Variants in SLC35F3 observed in about 807,000 individuals in gnomAD.
The protein encoded by SLC35F3 is putative thiamine transporter SLC35F3.
A neutral mutation model predicts 49.9 loss-of-function variants in SLC35F3; 25 were observed. The ratio of observed to expected loss-of-function variants is 0.50; its 90% CI spans 0.37 to 0.70. The LOEUF is 0.70. SLC35F3 is among the 30% of genes least tolerant of loss of function. The probability of loss-of-function intolerance (pLI) is 0.00; values close to 1 mark genes in which losing one functional copy is unlikely to be tolerated. For missense variants in SLC35F3, 525 were observed against 639.8 expected (o/e 0.82, Z 1.94); for synonymous variants, 275 against 265.4 (o/e 1.04, Z -0.35).
intron 2 of SLC35F3, among the ~76,000 whole-genome samples, chr1:234,210,742 G>A (rs1667035171): frequency 6.6e-6 from 1 of 152,240 alleles, no homozygotes; most frequent in Non-Finnish European, 1.5e-5. Context: ...TGGAAAATGT[G>A]CAGCCTGATG....
At chr1:233,952,518 T>G (rs1313184097) in intron 2 of SLC35F3, among the ~76,000 whole-genome samples, 1 of 152,184 alleles carries the variant, frequency 6.6e-6, no homozygotes, top group Admixed American at 6.5e-5. Flanking sequence ...GCAAAGTCTC[T>G]TCCACACCAT....
At chr1:234,130,515 T>C (rs1285862085) in intron 2 of SLC35F3, among the ~76,000 whole-genome samples, 1 of 150,294 alleles carries the variant, frequency 6.7e-6, no homozygotes, top group African/African-American at 2.4e-5. Flanking sequence ...GGCGAGCACC[T>C]GTAGTCTCAG....
intron 2 of SLC35F3, among the ~76,000 whole-genome samples, chr1:234,081,833 G>T (rs1192069412): frequency 2.7e-5 from 4 of 148,950 alleles, no homozygotes; most frequent in Non-Finnish European, 5.9e-5. Context: ...CGCCTCCCAG[G>T]TTCATGCCAT....
chr1:234,093,110 G>C (rs1227469102), intron 2 of SLC35F3, among the ~76,000 whole-genome samples: 1 of 152,154 alleles, frequency 6.6e-6, no homozygotes, highest in Non-Finnish European at 1.5e-5. Context: ...TTCCTAATTT[G>C]TGGAAAGTTA....
chr1:234,091,064 C>T (rs563479689), intron 2 of SLC35F3, among the ~76,000 whole-genome samples: 6 of 152,282 alleles, frequency 3.9e-5, no homozygotes, highest in Middle Eastern at 3.4e-3. Flanking sequence ...TTTTTAATTA[C>T]GCAAGTAATA....
chr1:234,198,468 A>G (rs900228910), intron 2 of SLC35F3, among the ~76,000 whole-genome samples: 2 of 152,206 alleles, frequency 1.3e-5, no homozygotes, highest in Admixed American at 1.3e-4. Context: ...CTTTTGAGGA[A>G]GTGCCAGGCC....
chr1:234,026,052 T>C (rs1442262086), intron 2 of SLC35F3, among the ~76,000 whole-genome samples: 1 of 152,198 alleles, frequency 6.6e-6, no homozygotes, highest in South Asian at 2.1e-4. Flanking sequence ...ATTTATTGAA[T>C]AGGGAGCCCT....
intron 2 of SLC35F3, among the ~76,000 whole-genome samples, chr1:234,033,325 T>A (rs542866539): frequency 3.2e-4 from 49 of 152,350 alleles, no homozygotes; most frequent in African/African-American, 1.2e-3. Flanking sequence ...CCTCTGCTGA[T>A]TATTTCTTTG....
chr1:234,186,724 C>T (rs555192702), intron 2 of SLC35F3, among the ~76,000 whole-genome samples: 3 of 152,240 alleles, frequency 2.0e-5, no homozygotes, highest in South Asian at 2.1e-4. Context: ...GTAGGGACTC[C>T]GTAAAGTCAA....
At chr1:234,146,729 G>T (rs1308900389) in intron 2 of SLC35F3, among the ~76,000 whole-genome samples, 5 of 151,818 alleles carry the variant, frequency 3.3e-5, no homozygotes, top group Non-Finnish European at 5.9e-5. Context: ...TGTCAGGCTG[G>T]TCTCCAGCTC....
At chr1:233,958,723 C>T (rs1662745669) in intron 2 of SLC35F3, among the ~76,000 whole-genome samples, 1 of 152,164 alleles carries the variant, frequency 6.6e-6, no homozygotes, top group Non-Finnish European at 1.5e-5. Context: ...GATAGCTATA[C>T]CACAGGACTT....
Position 234,214,597 on chromosome 1 carries a change from C to T in SLC35F3, c.284-16820C>T. The T allele has an allele frequency of 3.9e-6, 6 of 1,522,624 alleles. No homozygotes were observed. The highest frequency in any genetic ancestry group is 3.5e-6 in the Non-Finnish European group (4 of 1,135,526). 94.3% of individuals were successfully genotyped at this position (1,522,624 alleles called of 1,614,324 possible). A position where few individuals can be genotyped will look rare whatever the true frequency, so the allele number is the denominator to read the frequency against. ...AAGGTAATGCGCGGCCGCCTCGCCC[C>T]GGGGGTCCCTGCACCCTAGCCGGGG... is the stretch of plus-strand genomic sequence containing the variant. On this transcript the variant is annotated intron_variant, in intron 2 of 7. Transcript: ENST00000366618. The surrounding 1 kb of genome is among the most constrained non-coding windows in gnomAD (Gnocchi z 8.0).
In SLC35F3 at chr1:234,152,782, A is replaced by G. The variant is rs969898311; in HGVS notation, c.284-78635A>G. ...TGGGTAAAATGGTATTTCTGGTTCT[A>G]GATCCTTGAAAAATCGCCACACTGT... On this transcript the variant is annotated intron_variant, in intron 2 of 7. Transcript: ENST00000366618. Among the ~76,000 whole-genome samples the G allele has an allele frequency of 3.9e-5, 6 of 152,202 alleles. 1 individual carries two copies. Among genetic ancestry groups the G allele is most frequent in the Admixed American group, 3.9e-4 (6 of 15,282 alleles).
intron 2 of SLC35F3, among the ~76,000 whole-genome samples, chr1:234,101,466 G>T (rs1665212547): frequency 6.6e-6 from 1 of 152,154 alleles, no homozygotes; most frequent in Non-Finnish European, 1.5e-5. Flanking sequence ...TATGTCTGTA[G>T]TTCCTCTACT....
chr1:234,068,930 T>TATA (rs1340364755), intron 2 of SLC35F3, among the ~76,000 whole-genome samples: 1 of 68,874 alleles, frequency 1.5e-5, no homozygotes, highest in Non-Finnish European at 3.1e-5. Flanking sequence ...ATATATTATA[T>TATA]ATAAAATTAT....
intron 2 of SLC35F3, among the ~76,000 whole-genome samples, chr1:234,080,617 A>G (rs1664861003): frequency 6.6e-6 from 1 of 152,224 alleles, no homozygotes; most frequent in Non-Finnish European, 1.5e-5. Flanking sequence ...TTCAACATGG[A>G]TGAATCCTGA....
Position 234,268,003 on chromosome 1 carries a change from C to G in SLC35F3, c.608+36262C>G, listed in dbSNP as rs1458031740. ...GCCAGGCAGAGGGGCTCCTCACATCCCAGACGATGGGCGGCCAAGCAGAGA... is the reference window on the plus strand; with the variant it reads ...GCCAGGCAGAGGGGCTCCTCACATCGCAGACGATGGGCGGCCAAGCAGAGA... On this transcript the variant is annotated intron_variant, in intron 3 of 7. Coordinates refer to ENST00000366618, the MANE Select transcript of SLC35F3 (RefSeq NM_173508.4). 7.7e-5 allele frequency among the ~76,000 whole-genome samples: 8 copies of G among 104,400 alleles called. No homozygotes were observed. The Admixed American group carries it at 1.1e-3, about 14-fold the overall frequency. The allele number at this position is 104,400 out of a possible 152,430, so 68.5% of individuals were successfully genotyped here.
intron 2 of SLC35F3, among the ~76,000 whole-genome samples, chr1:234,103,410 G>A (rs1045603502): frequency 1.3e-5 from 2 of 152,178 alleles, no homozygotes; most frequent in Non-Finnish European, 2.9e-5. Context: ...GGAAGGGTGA[G>A]GTGGCCGAGT....
chr1:233,917,685 A>G (rs1285424868), intron 2 of SLC35F3, among the ~76,000 whole-genome samples: 1 of 152,218 alleles, frequency 6.6e-6, no homozygotes, highest in Non-Finnish European at 1.5e-5. Context: ...ACTACTGTAC[A>G]TTATGTTTGT....
Sources: allele counts gnomAD v4.1 joint callset (sites outside exome capture counted in the v4.1 genomes callset), GRCh38; gene constraint gnomAD v4.1.1; non-coding constraint Gnocchi (gnomAD v3.1); transcripts MANE v1.5; gene names NCBI Gene and HGNC (gene_info 2026-07-23, HGNC 2026-07-21).